EBF1: variants seen among roughly 807,000 people sequenced by gnomAD.
EBF1 encodes transcription factor COE1.
In EBF1, 10 loss-of-function variants were observed where a neutral mutation model predicts 68.4. The ratio of observed to expected loss-of-function variants is 0.15; its 90% CI spans 0.09 to 0.25. EBF1 has a LOEUF of 0.25. Among genes scored for constraint, EBF1 ranks in the 10% least tolerant of loss-of-function variants. The pLI, the probability that EBF1 is intolerant of heterozygous loss-of-function variation, is 1.00. For missense variants in EBF1, 509 were observed against 794.4 expected (o/e 0.64, Z 4.32); for synonymous variants, 298 against 299.8 (o/e 0.99, Z 0.06).
rs1394490154 is a variant in EBF1 at position 158,879,905 on chromosome 5, C to T, written c.555-39795G>A. On this transcript the variant is annotated intron_variant, in intron 6 of 15. Transcript: ENST00000313708. ...CTTTCTGTGTCTGTCTCTCTCTCTC[C>T]CGAACCAGGCTTTCTGGAACATCAG... 2.0e-5 allele frequency among the ~76,000 whole-genome samples: 3 copies of T among 152,114 alleles called. No individual in the cohort carries two copies. In the East Asian group the frequency reaches 5.8e-4, roughly 29 times the overall value.
intron 7 of EBF1, among the ~76,000 whole-genome samples, chr5:158,838,149 A>C (rs1282161942): frequency 6.6e-6 from 1 of 152,018 alleles, no homozygotes; most frequent in Non-Finnish European, 1.5e-5. Context: ...AGAAACTAGA[A>C]ACCTCCCCAT....
chr5:158,994,812 T>A (rs887884569), intron 6 of EBF1, among the ~76,000 whole-genome samples: 1 of 152,238 alleles, frequency 6.6e-6, no homozygotes, highest in Non-Finnish European at 1.5e-5. Context: ...AATTCATGGA[T>A]GACTTTTTGC....
intron 6 of EBF1, among the ~76,000 whole-genome samples, chr5:158,905,238 C>A (rs1156739244): frequency 6.6e-6 from 1 of 152,220 alleles, no homozygotes; most frequent in African/African-American, 2.4e-5. Context: ...TAACTCCCAA[C>A]CATCCTCAAA....
At chr5:158,836,209 G>C (rs1788754483) in intron 7 of EBF1, among the ~76,000 whole-genome samples, 1 of 152,210 alleles carries the variant, frequency 6.6e-6, no homozygotes, top group South Asian at 2.1e-4. Flanking sequence ...CATCTGGACA[G>C]TTAGATCTAA....
chr5:158,845,254 A>G (rs980755523), intron 6 of EBF1, among the ~76,000 whole-genome samples: 1 of 152,226 alleles, frequency 6.6e-6, no homozygotes, highest in Non-Finnish European at 1.5e-5. Context: ...GAGAAGCCTG[A>G]GTGAATTTCA....
At position 158,852,629 on chromosome 5, in the gene EBF1, C is replaced by T. The variant is rs1056933528; in HGVS notation, c.555-12519G>A. On this transcript the variant is annotated intron_variant, in intron 6 of 15. Coordinates refer to ENST00000313708, the MANE Select transcript of EBF1 (RefSeq NM_024007.5). ...AAATTATTCTAGTCTATATTATAGA[C>T]GATCCAATAAGCCTGTGTGTTCTAG... 3.7e-4 allele frequency among the ~76,000 whole-genome samples: 57 copies of T among 152,102 alleles called. 2 individuals carry two copies. Among genetic ancestry groups the T allele is most frequent in the Non-Finnish European group, 8.8e-5 (6 of 68,024 alleles).
intron 5 of EBF1, among the ~76,000 whole-genome samples, chr5:159,078,005 G>C (rs1377624689): frequency 6.6e-6 from 1 of 152,046 alleles, no homozygotes; most frequent in African/African-American, 2.4e-5. Flanking sequence ...CTCCCAAAGT[G>C]CTGGGATTAC....
intron 15 of EBF1, among the ~76,000 whole-genome samples, chr5:158,702,075 C>A (rs1756883900): frequency 6.6e-6 from 1 of 152,204 alleles, no homozygotes; most frequent in African/African-American, 2.4e-5. Context: ...AAATCCCAAT[C>A]ATGACTTCCT....
chr5:159,001,123 A>G (rs907404058), intron 6 of EBF1, among the ~76,000 whole-genome samples: 4 of 152,216 alleles, frequency 2.6e-5, no homozygotes, highest in African/African-American at 9.6e-5. Context: ...TAAAAGTCAG[A>G]CAATGTAAAA....
At chr5:159,057,127 G>A (rs577750175) in intron 6 of EBF1, among the ~76,000 whole-genome samples, 316 of 102,156 alleles carry the variant, frequency 3.1e-3, no homozygotes, top group Non-Finnish European at 4.8e-3. Context: ...TTTTTTTTGA[G>A]ATGGAGTCTC....
At chr5:158,923,950 T>C (rs930952020) in intron 6 of EBF1, among the ~76,000 whole-genome samples, 2 of 152,260 alleles carry the variant, frequency 1.3e-5, no homozygotes, top group African/African-American at 4.8e-5. Flanking sequence ...TTAATGGTCT[T>C]ACTTGAAACT....
At chr5:159,053,116 T>C (rs903366217) in intron 6 of EBF1, among the ~76,000 whole-genome samples, 1 of 152,328 alleles carries the variant, frequency 6.6e-6, no homozygotes. Context: ...AGAGGCAGAA[T>C]AGTGTTATGA....
At chr5:158,850,363 C>T (rs1349239089) in intron 6 of EBF1, among the ~76,000 whole-genome samples, 1 of 152,110 alleles carries the variant, frequency 6.6e-6, no homozygotes, top group Non-Finnish European at 1.5e-5. Context: ...CTACTTTGCA[C>T]CAAACAGAAG....
At chr5:159,029,983 A>G (rs1768446159) in intron 6 of EBF1, among the ~76,000 whole-genome samples, 1 of 151,876 alleles carries the variant, frequency 6.6e-6, no homozygotes. Flanking sequence ...TATAAATATG[A>G]ATATGTTCAT....
chr5:158,778,747 G>C (rs1477496160), intron 9 of EBF1, among the ~76,000 whole-genome samples: 1 of 152,066 alleles, frequency 6.6e-6, no homozygotes, highest in African/African-American at 2.4e-5. Flanking sequence ...TATATCAAAT[G>C]TTCCTTCTTG....
chr5:158,862,053 T>C (rs1795048871), intron 6 of EBF1, among the ~76,000 whole-genome samples: 1 of 152,230 alleles, frequency 6.6e-6, no homozygotes, highest in East Asian at 1.9e-4. Flanking sequence ...CTCCTAATGT[T>C]TGATTACTTT....
At chr5:158,800,559 T>C (rs1780401687) in intron 8 of EBF1, among the ~76,000 whole-genome samples, 1 of 152,240 alleles carries the variant, frequency 6.6e-6, no homozygotes, top group African/African-American at 2.4e-5. Flanking sequence ...ACAGTTGTAC[T>C]TTTTAGAGCA....
At chr5:158,935,008 G>A (rs564361349) in intron 6 of EBF1, among the ~76,000 whole-genome samples, 63 of 152,336 alleles carry the variant, frequency 4.1e-4, no homozygotes, top group Middle Eastern at 6.8e-3. Context: ...ACCCAGGCAG[G>A]CTGGCTCCAG....
At chr5:158,948,581 T>A (rs1381225731) in intron 6 of EBF1, among the ~76,000 whole-genome samples, 4 of 152,162 alleles carry the variant, frequency 2.6e-5, no homozygotes, top group Non-Finnish European at 5.9e-5. Context: ...TCTCTCTGTA[T>A]CATCAGGACT....
Sources: allele counts gnomAD v4.1 joint callset (sites outside exome capture counted in the v4.1 genomes callset), GRCh38; gene constraint gnomAD v4.1.1; transcripts MANE v1.5; gene names NCBI Gene and HGNC (gene_info 2026-07-23, HGNC 2026-07-21).